PLCG2: variants seen among roughly 807,000 people sequenced by gnomAD.
PLCG2 encodes 1-phosphatidylinositol 4,5-bisphosphate phosphodiesterase gamma-2.
In PLCG2, 69 loss-of-function variants were observed where a neutral mutation model predicts 175.6. That is an observed-to-expected ratio of 0.39 (90% confidence interval 0.32 to 0.48). The LOEUF (loss-of-function observed/expected upper bound fraction) is 0.48, where lower values mean the gene tolerates loss of function less well. PLCG2 is among the 20% of genes least tolerant of loss of function. The probability of loss-of-function intolerance (pLI) is 0.91; values close to 1 mark genes in which losing one functional copy is unlikely to be tolerated. For missense variants in PLCG2, 1,798 were observed against 1,650.9 expected (o/e 1.09, Z -1.54); for synonymous variants, 827 against 624.0 (o/e 1.33, Z -4.85).
At chr16:81,844,288 C>T (rs766302657) in intron 2 of PLCG2, among the ~76,000 whole-genome samples, 12 of 148,870 alleles carry the variant, frequency 8.1e-5, no homozygotes, top group Non-Finnish European at 1.3e-4. Context: ...CCACCGCGCC[C>T]GGGCACCTTT....
intron 2 of PLCG2, among the ~76,000 whole-genome samples, chr16:81,830,583 C>T (rs1461004312): frequency 6.6e-6 from 1 of 152,004 alleles, no homozygotes; most frequent in East Asian, 1.9e-4. Flanking sequence ...GCTGGGATTA[C>T]AGGCATAAGC....
chr16:81,931,567 T>A lies in PLCG2; in HGVS notation c.2652T>A (p.Pro884=), dbSNP rs371218195. ...TGGAGCCCAAGCAGCAGGGCGATCC[T>A]CCGGTGGAGTTTGCCACAGACAGGG... is the stretch of plus-strand genomic sequence containing the variant. ...FILEPKQQGD[P]PVEFATDRVE... Residue 884 remains proline, a synonymous_variant, in exon 25 of 33, where the codon CCT becomes CCA. Coordinates refer to ENST00000564138, the MANE Select transcript of PLCG2 (RefSeq NM_002661.5). 1 of 1,613,998 alleles carries A rather than the reference T, an allele frequency of 6.2e-7. No homozygotes were observed. Among genetic ancestry groups the A allele is most frequent in the African/African-American group, 1.3e-5 (1 of 74,932 alleles).
At chr16:81,916,590 TG>T (rs66912462) in intron 19 of PLCG2, among the ~76,000 whole-genome samples, 58,417 of 151,054 alleles carry the variant, frequency 0.39, 12,249 homozygotes, top group East Asian at 0.77. Flanking sequence ...ATTTTTTTTT[TG>T]TGTGTGGTGA....
At chr16:81,844,014 T>G (rs1391375282) in intron 2 of PLCG2, among the ~76,000 whole-genome samples, 1 of 151,652 alleles carries the variant, frequency 6.6e-6, no homozygotes, top group East Asian at 1.9e-4. Flanking sequence ...TCTTGCTCTG[T>G]GGCCCAGGCT....
intron 2 of PLCG2, among the ~76,000 whole-genome samples, chr16:81,828,381 G>A (rs1905130007): frequency 6.6e-6 from 1 of 151,290 alleles, no homozygotes; most frequent in South Asian, 2.1e-4. Context: ...GGGACTACAG[G>A]TGCCTGCCAC....
At chr16:81,760,748 T>TAAAA (rs1224811220) in intron 2 of PLCG2, among the ~76,000 whole-genome samples, 18,904 of 85,936 alleles carry the variant, frequency 0.22, 1,502 homozygotes, top group East Asian at 0.51. Context: ...CCGTCTCTAT[T>TAAAA]AAAAAAAAAA....
chr16:81,743,163 A>G (rs8047955), intron 1 of PLCG2, among the ~76,000 whole-genome samples: 103,108 of 152,018 alleles, frequency 0.68, 35,512 homozygotes, highest in African/African-American at 0.79. Flanking sequence ...CAGAAAAGGA[A>G]AGGAAAGAAG....
chr16:81,960,211 T>G lies in PLCG2; in HGVS notation c.*2213T>G, dbSNP rs1911731438. The G allele has an allele frequency of 4.5e-6, 1 of 220,380 alleles. No homozygotes were observed. The highest frequency in any genetic ancestry group is 5.8e-5 in the Admixed American group (1 of 17,350). 13.7% of individuals were successfully genotyped at this position (220,380 alleles called of 1,614,324 possible). Reference sequence around the variant, plus strand: ...AACACGTTAATCTGGTTCTTGGTGGTGTTAGGGACTGATTCTCTCAGGAAA... The same window carrying G: ...AACACGTTAATCTGGTTCTTGGTGGGGTTAGGGACTGATTCTCTCAGGAAA... On this transcript the variant is annotated 3_prime_UTR_variant, in exon 33 of 33. Transcript: ENST00000564138.
chr16:81,820,202 T>C (rs1263458183), intron 2 of PLCG2, among the ~76,000 whole-genome samples: 1 of 152,216 alleles, frequency 6.6e-6, no homozygotes, highest in Non-Finnish European at 1.5e-5. Context: ...CACAGTTTGA[T>C]GCATTTTGAC....
intron 20 of PLCG2, 51 bp from the exon 21 acceptor site, chr16:81,921,147 C>G (rs1231497380): frequency 9.1e-7 from 1 of 1,103,712 alleles, no homozygotes; most frequent in African/African-American, 1.5e-5. Flanking sequence ...TATGTAAGGG[C>G]TATTCCAGGA....
intron 2 of PLCG2, among the ~76,000 whole-genome samples, chr16:81,787,224 C>T (rs192779915): frequency 6.6e-6 from 1 of 151,108 alleles, no homozygotes; most frequent in Non-Finnish European, 1.5e-5. Context: ...TTTTTTAAAA[C>T]AAAATTAATT....
intron 2 of PLCG2, among the ~76,000 whole-genome samples, chr16:81,850,931 G>T (rs184289274): frequency 6.6e-6 from 1 of 152,138 alleles, no homozygotes; most frequent in African/African-American, 2.4e-5. Flanking sequence ...GTTTCCTCGA[G>T]GTCTGCAATC....
intron 1 of PLCG2, among the ~76,000 whole-genome samples, chr16:81,753,898 TCCCCCATCCCTGGG>T (rs1353355020): frequency 3.3e-5 from 5 of 152,022 alleles, no homozygotes; most frequent in Non-Finnish European, 5.9e-5. Context: ...GAGGTGAGAC[TCCCCCATCCCTGGG>T]CCAACAGCCA....
chr16:81,752,571 T>C (rs1909834481), intron 1 of PLCG2, among the ~76,000 whole-genome samples: 1 of 152,168 alleles, frequency 6.6e-6, no homozygotes, highest in South Asian at 2.1e-4. Flanking sequence ...TCAGCTTCCA[T>C]CTGAGGTCTC....
intron 16 of PLCG2, among the ~76,000 whole-genome samples, chr16:81,908,008 G>A (rs1909452619): frequency 6.6e-6 from 1 of 152,154 alleles, no homozygotes; most frequent in African/African-American, 2.4e-5. Flanking sequence ...TCTCTAAAGT[G>A]CCTGATTGGC....
intron 2 of PLCG2, among the ~76,000 whole-genome samples, chr16:81,810,639 T>A (rs1446163365): frequency 5.7e-5 from 3 of 52,262 alleles, no homozygotes; most frequent in Middle Eastern, 9.4e-3. Flanking sequence ...TTCTGCAATT[T>A]CTTTCTTTTT....
intron 14 of PLCG2, among the ~76,000 whole-genome samples, chr16:81,904,283 A>C (rs996304358): frequency 6.6e-6 from 1 of 152,176 alleles, no homozygotes; most frequent in African/African-American, 2.4e-5. Flanking sequence ...CAGATTACTG[A>C]GACTCTGATG....
chr16:81,943,366 G>T (rs1911028992), intron 30 of PLCG2, among the ~76,000 whole-genome samples: 1 of 152,194 alleles, frequency 6.6e-6, no homozygotes, highest in South Asian at 2.1e-4. Context: ...CCAGCAGGAG[G>T]AAAAGAGAGC....
intron 2 of PLCG2, among the ~76,000 whole-genome samples, chr16:81,849,006 C>T (rs1299225398): frequency 1.3e-5 from 2 of 152,198 alleles, no homozygotes; most frequent in African/African-American, 4.8e-5. Context: ...CCACTAATGT[C>T]CTATGGTAGG....
Sources: gnomAD v4.1 joint callset for allele counts (sites outside exome capture counted in the v4.1 genomes callset) on GRCh38, gnomAD v4.1.1 for gene constraint, MANE v1.5 for transcripts, NCBI Gene and HGNC (gene_info 2026-07-23, HGNC 2026-07-21) for gene names.